The following BBX variants were observed in gnomAD, a reference collection of about 807,000 sequenced individuals.
BBX encodes the protein HMG box transcription factor BBX.
A neutral mutation model predicts 100.2 loss-of-function variants in BBX; 30 were observed. The observed-to-expected ratio is 0.30, with a 90% CI of 0.22 to 0.41. The LOEUF (loss-of-function observed/expected upper bound fraction) is 0.41. BBX is among the 10% of genes least tolerant of loss of function. The pLI is 1.00. For missense variants in BBX, 1,023 were observed against 1,129.8 expected (o/e 0.91, Z 1.35); for synonymous variants, 376 against 388.1 (o/e 0.97, Z 0.37).
chr3:107,706,161 T>C (rs559145604), intron 3 of BBX, among the ~76,000 whole-genome samples: 1 of 151,926 alleles, frequency 6.6e-6, no homozygotes, highest in East Asian at 1.9e-4. Context: ...TAGCTGGGAC[T>C]ACAAGTGCAT....
At chr3:107,642,189 A>G (rs2057252370) in intron 2 of BBX, among the ~76,000 whole-genome samples, 1 of 152,222 alleles carries the variant, frequency 6.6e-6, no homozygotes, top group Non-Finnish European at 1.5e-5. Flanking sequence ...AATATATAGA[A>G]TGGGAAAGGG....
At chr3:107,729,956 A>G (rs536083339) in intron 6 of BBX, among the ~76,000 whole-genome samples, 3 of 152,192 alleles carry the variant, frequency 2.0e-5, no homozygotes, top group Admixed American at 2.0e-4. Context: ...GTATGGTGGC[A>G]TGTGCCTATA....
chr3:107,675,531 C>G (rs1177734945), intron 3 of BBX, among the ~76,000 whole-genome samples: 2 of 152,128 alleles, frequency 1.3e-5, no homozygotes, highest in African/African-American at 2.4e-5. Context: ...CTTTGCCCCT[C>G]TCTTCTCATG....
intron 2 of BBX, among the ~76,000 whole-genome samples, chr3:107,539,187 T>G (rs1425219996): frequency 6.6e-6 from 1 of 152,162 alleles, no homozygotes; most frequent in East Asian, 1.9e-4. Context: ...TGAATTATCT[T>G]TATTTTTTGC....
chr3:107,784,373 A>G (rs1211566429), intron 13 of BBX, among the ~76,000 whole-genome samples: 4 of 152,008 alleles, frequency 2.6e-5, no homozygotes, highest in Non-Finnish European at 5.9e-5. Flanking sequence ...ACAAGCATAC[A>G]TGGAACAATC....
chr3:107,680,661 T>G (rs964357648), intron 3 of BBX, among the ~76,000 whole-genome samples: 9 of 152,130 alleles, frequency 5.9e-5, no homozygotes, highest in African/African-American at 2.2e-4. Flanking sequence ...CTATAGCAGT[T>G]TTTAAAAGCT....
intron 3 of BBX, among the ~76,000 whole-genome samples, chr3:107,654,529 G>A (rs1456272453): frequency 6.6e-6 from 1 of 151,688 alleles, no homozygotes; most frequent in Non-Finnish European, 1.5e-5. Flanking sequence ...TTTTACTTTC[G>A]AATACTTATA....
At chr3:107,728,647 A>G (rs753318163) in intron 5 of BBX, 118 bp from the exon 6 acceptor site, 19 of 820,720 alleles carry the variant, frequency 2.3e-5, no homozygotes, top group Non-Finnish European at 3.7e-5. Flanking sequence ...AGAGCCACAG[A>G]AGTCACTGAA....
intron 2 of BBX, among the ~76,000 whole-genome samples, chr3:107,606,501 A>G (rs2054454330): frequency 6.6e-6 from 1 of 152,174 alleles, no homozygotes; most frequent in Non-Finnish European, 1.5e-5. Flanking sequence ...TCATAATAAT[A>G]CCATGTGATG....
intron 2 of BBX, among the ~76,000 whole-genome samples, chr3:107,628,126 G>A (rs667172): frequency 0.34 from 51,820 of 151,818 alleles, 9,913 homozygotes; most frequent in East Asian, 0.88. Flanking sequence ...ATTTATCATG[G>A]TATTTATAAG....
intron 5 of BBX, among the ~76,000 whole-genome samples, chr3:107,727,206 A>C (rs1355064570): frequency 2.0e-5 from 3 of 152,142 alleles, no homozygotes; most frequent in African/African-American, 7.2e-5. Context: ...GTGACTGTTC[A>C]TCTGACAAAC....
chr3:107,698,930 C>T (rs1404811755), intron 3 of BBX, among the ~76,000 whole-genome samples: 3 of 151,636 alleles, frequency 2.0e-5, no homozygotes, highest in Non-Finnish European at 2.9e-5. Flanking sequence ...CAGAGCAGGG[C>T]ATGGCAAGGA....
At position 107,772,668 on chromosome 3, in the gene BBX, A is replaced by C. The variant is rs759387296; in HGVS notation, c.947A>C (p.Lys316Thr). ...GAAGGGATGAAAATGGAAGAATCAAAGCTAATAAAAGCAAAAGAATCCGAT... is the reference window on the plus strand; with the variant it reads ...GAAGGGATGAAAATGGAAGAATCAACGCTAATAAAAGCAAAAGAATCCGAT... The part of the protein sequence containing the change: ...ASEGMKMEES[K>T]LIKAKESDGG... Residue 316 changes from lysine (K) to threonine (T), a missense_variant, in exon 11 of 18, where the codon AAG becomes ACG. By Grantham distance (78) the Lys-to-Thr change is moderately conservative (BLOSUM62 -1). Around this residue, in one of 9 missense-constraint regions of BBX, gnomAD observed 348 missense variants for 353.2 expected, o/e 0.99. Coordinates refer to ENST00000325805, the MANE Select transcript of BBX (RefSeq NM_001142568.3). The C allele has an allele frequency of 6.3e-7, 1 of 1,597,694 alleles. No homozygotes were observed. Among genetic ancestry groups the C allele is most frequent in the South Asian group, 1.2e-5 (1 of 86,078 alleles).
intron 3 of BBX, among the ~76,000 whole-genome samples, chr3:107,671,685 A>G (rs1469389793): frequency 6.6e-6 from 1 of 152,126 alleles, no homozygotes; most frequent in African/African-American, 2.4e-5. Context: ...GCGCTGCAGA[A>G]TAAAACAATT....
intron 2 of BBX, among the ~76,000 whole-genome samples, chr3:107,631,037 TC>T (rs2056513963): frequency 6.6e-6 from 1 of 152,152 alleles, no homozygotes; most frequent in Non-Finnish European, 1.5e-5. Flanking sequence ...TCACAGATCT[TC>T]CTGTCTGCTC....
chr3:107,542,653 A>C (rs1374462790), intron 2 of BBX, among the ~76,000 whole-genome samples: 5 of 152,192 alleles, frequency 3.3e-5, no homozygotes, highest in Admixed American at 6.5e-5. Context: ...CAACCTGTGA[A>C]GTAGGAACTA....
intron 2 of BBX, among the ~76,000 whole-genome samples, chr3:107,644,665 A>G (rs2057413057): frequency 6.6e-6 from 1 of 152,162 alleles, no homozygotes; most frequent in Non-Finnish European, 1.5e-5. Context: ...GAAAGTATTC[A>G]TATGTGTCCT....
At chr3:107,627,065 C>G (rs545170988) in intron 2 of BBX, among the ~76,000 whole-genome samples, 1 of 152,138 alleles carries the variant, frequency 6.6e-6, no homozygotes, top group Non-Finnish European at 1.5e-5. Flanking sequence ...AGAATTCTTA[C>G]TATCATTTCT....
At chr3:107,553,374 C>G (rs994769981) in intron 2 of BBX, among the ~76,000 whole-genome samples, 2 of 152,174 alleles carry the variant, frequency 1.3e-5, no homozygotes, top group Non-Finnish European at 2.9e-5. Context: ...GTAGCTATTT[C>G]TATGCTTCAG....
Sources: gnomAD v4.1 joint callset for allele counts (sites outside exome capture counted in the v4.1 genomes callset) on GRCh38, gnomAD v4.1.1 for gene constraint, gnomAD v4.1.1 regional missense constraint, MANE v1.5 for transcripts, NCBI Gene and HGNC (gene_info 2026-07-23, HGNC 2026-07-21) for gene names.